Variants in ALPL observed in about 807,000 individuals in gnomAD.
ALPL encodes the protein alkaline phosphatase, biomineralization associated.
In ALPL, 42 loss-of-function variants were observed where a neutral mutation model predicts 51.3. The ratio of observed to expected loss-of-function variants is 0.82; its 90% confidence interval spans 0.64 to 1.06. The LOEUF (loss-of-function observed/expected upper bound fraction) is 1.06. ALPL is among the 50% of genes least tolerant of loss of function. The pLI, the probability that ALPL is intolerant of heterozygous loss-of-function variation, is 0.00. For missense variants in ALPL, 589 were observed against 709.4 expected (o/e 0.83, Z 1.93); for synonymous variants, 279 against 296.4 (o/e 0.94, Z 0.60).
chr1:21,566,889 G>A (rs548721086), intron 6 of ALPL, among the ~76,000 whole-genome samples: 3 of 152,252 alleles, frequency 2.0e-5, no homozygotes, highest in East Asian at 1.9e-4. Context: ...GAGCCACCGC[G>A]CCTGGCCAGT....
At chr1:21,549,671 C>G (rs2148125951) in intron 1 of ALPL, among the ~76,000 whole-genome samples, 1 of 152,170 alleles carries the variant, frequency 6.6e-6, no homozygotes, top group South Asian at 2.1e-4. Context: ...CCATGTTGGC[C>G]AGGCTGGTCT....
At chr1:21,556,060 A>G (rs978126613) in intron 2 of ALPL, among the ~76,000 whole-genome samples, 1 of 152,138 alleles carries the variant, frequency 6.6e-6, no homozygotes, top group Non-Finnish European at 1.5e-5. Flanking sequence ...GGCATGAGCC[A>G]CCGCACCCGG....
Position 21,575,784 on chromosome 1 carries a change from A to G in ALPL, c.1049A>G (p.His350Arg). 1.2e-6 allele frequency: 2 copies of G among 1,614,200 alleles called. No individual in the cohort carries two copies. Among genetic ancestry groups the G allele is most frequent in the East Asian group, 2.2e-5 (1 of 44,886 alleles). Residue 350 changes from histidine (H) to arginine (R), a missense_variant, in exon 10 of 12, where the codon CAT becomes CGT. Physicochemically the swap from His to Arg is conservative, Grantham distance 29. Coordinates refer to ENST00000374840, the MANE Select transcript of ALPL (RefSeq NM_000478.6). ...GAAGGAAAAGCCAAGCAGGCCCTGCATGAGGCGGTGGAGATGGACCGGGCC... is the reference window on the plus strand; with the variant it reads ...GAAGGAAAAGCCAAGCAGGCCCTGCGTGAGGCGGTGGAGATGGACCGGGCC... Reference protein sequence around the residue: ...HHEGKAKQALHEAVEMDRAIG... With the variant: ...HHEGKAKQALREAVEMDRAIG...
intron 1 of ALPL, among the ~76,000 whole-genome samples, chr1:21,552,545 T>C (rs943218650): frequency 1.3e-5 from 2 of 152,052 alleles, no homozygotes; most frequent in East Asian, 3.9e-4. Flanking sequence ...GAGAAGAATT[T>C]TTAAAAAGAA....
intron 1 of ALPL, among the ~76,000 whole-genome samples, chr1:21,528,364 T>TTA (rs1491058656): frequency 6.8e-6 from 1 of 146,138 alleles, no homozygotes; most frequent in Non-Finnish European, 1.5e-5. Flanking sequence ...TTTTTTTTTT[T>TTA]TGAGGCGGAA....
intron 4 of ALPL, among the ~76,000 whole-genome samples, chr1:21,562,821 G>T (rs371429624): frequency 6.6e-6 from 1 of 152,066 alleles, no homozygotes; most frequent in Non-Finnish European, 1.5e-5. Context: ...CCGGAGAGAG[G>T]CCTCCGCTGA....
chr1:21,557,122 G>A (rs962093573), intron 2 of ALPL, among the ~76,000 whole-genome samples: 1 of 151,648 alleles, frequency 6.6e-6, no homozygotes, highest in Non-Finnish European at 1.5e-5. Flanking sequence ...TTTTTCCCCA[G>A]CATTTCTGTA....
At chr1:21,532,305 C>G (rs1644041154) in intron 1 of ALPL, among the ~76,000 whole-genome samples, 1 of 152,148 alleles carries the variant, frequency 6.6e-6, no homozygotes, top group Non-Finnish European at 1.5e-5. Flanking sequence ...GATTCTCCCA[C>G]CTGAGCCTCC....
intron 1 of ALPL, among the ~76,000 whole-genome samples, chr1:21,532,868 G>T (rs532479961): frequency 6.6e-6 from 1 of 152,312 alleles, no homozygotes; most frequent in East Asian, 1.9e-4. Flanking sequence ...GGACACCAGG[G>T]TGCCTGTCCT....
rs2148059357 is a variant in ALPL at position 21,517,357 on chromosome 1, GA to G, written c.-105+7843del. ...GATTGAGTAATGTTCTCAAAGTTTG[GA>G]AAGTGCAGGTGAGACTCAAATCCAG... On this transcript the variant is annotated intron_variant, in intron 1 of 11. Coordinates refer to ENST00000374840, the MANE Select transcript of ALPL (RefSeq NM_000478.6). Among the ~76,000 whole-genome samples, 3 of 152,306 alleles carry G rather than the reference GA, an allele frequency of 2.0e-5. No individual in the cohort carries two copies. In the East Asian group the frequency reaches 5.8e-4, roughly 29 times the overall value.
In ALPL at chr1:21,573,816, T is replaced by C. The variant is rs1379715120; in HGVS notation, c.997+17T>C. ...TGGTGGAAGGTAGGGACCCCGGGTC[T>C]GCTGAGAGGGGGCTGCTGGAAACAC... On this transcript the variant is annotated intron_variant, in intron 9 of 11. Coordinates refer to ENST00000374840, the MANE Select transcript of ALPL (RefSeq NM_000478.6). 1.9e-6 allele frequency: 3 copies of C among 1,614,096 alleles called. No homozygotes were observed. In the East Asian group the frequency reaches 6.7e-5, roughly 36 times the overall value.
chr1:21,534,951 T>C, intron 1 of ALPL, among the ~76,000 whole-genome samples: 1 of 152,170 alleles, frequency 6.6e-6, no homozygotes, highest in East Asian at 1.9e-4. Context: ...CCTGCCTTCT[T>C]TTTCCCCGCT....
At chr1:21,550,375 C>T (rs533517855) in intron 1 of ALPL, among the ~76,000 whole-genome samples, 1 of 152,264 alleles carries the variant, frequency 6.6e-6, no homozygotes, top group East Asian at 1.9e-4. Flanking sequence ...AAGTCTCCGT[C>T]CAGAGCCTTG....
At chr1:21,576,746 A>T in intron 11 of ALPL, 105 bp downstream of exon 11, 1 of 1,501,660 alleles carries the variant, frequency 6.7e-7, no homozygotes, top group Middle Eastern at 1.8e-4. Context: ...TCTCAGAATG[A>T]CTGGGGCTTG....
chr1:21,518,910 T>G (rs1344674242), intron 1 of ALPL, among the ~76,000 whole-genome samples: 4 of 152,148 alleles, frequency 2.6e-5, no homozygotes, highest in Non-Finnish European at 5.9e-5. Flanking sequence ...CCATCCCAGG[T>G]GTTGAGATGC....
At chr1:21,558,756 C>T (rs1205664661) in intron 2 of ALPL, among the ~76,000 whole-genome samples, 1 of 152,072 alleles carries the variant, frequency 6.6e-6, no homozygotes, top group East Asian at 1.9e-4. Context: ...AAGGGGAGGC[C>T]TCTTGGGGAG....
rs574279200 is a variant in ALPL, at chr1:21,573,115, G to A, written c.863-550G>A. Among the ~76,000 whole-genome samples the A allele has an allele frequency of 6.7e-4, 102 of 152,330 alleles. No individual in the cohort carries two copies. The Middle Eastern group carries it at 0.024, about 36-fold the overall frequency. On this transcript the variant is annotated intron_variant, in intron 8 of 11. Transcript: ENST00000374840. ...GTGAAACGGGCATGGTGATCCCACC[G>A]CGCCATAGTGGTGGGAATGAAAATG... is the stretch of plus-strand genomic sequence containing the variant.
chr1:21,540,389 C>G (rs923672901), intron 1 of ALPL, among the ~76,000 whole-genome samples: 3 of 152,172 alleles, frequency 2.0e-5, no homozygotes, highest in Admixed American at 6.5e-5. Flanking sequence ...GCATCATGAC[C>G]GTCCTGGAGC....
chr1:21,512,494 GTGATCC>G (rs1457501632), intron 1 of ALPL, among the ~76,000 whole-genome samples: 1 of 152,078 alleles, frequency 6.6e-6, no homozygotes, highest in African/African-American at 2.4e-5. Flanking sequence ...TCCCTACCAG[GTGATCC>G]TGAGGGCCTG....
Sources: gnomAD v4.1 joint callset for allele counts (sites outside exome capture counted in the v4.1 genomes callset) on GRCh38, gnomAD v4.1.1 for gene constraint, MANE v1.5 for transcripts, NCBI Gene and HGNC (gene_info 2026-07-23, HGNC 2026-07-21) for gene names.